The following TMEM154 variants were observed in gnomAD, a reference collection of about 807,000 sequenced individuals.
The protein encoded by TMEM154 is transmembrane protein 154.
A neutral mutation model predicts 24.5 loss-of-function variants in TMEM154; 27 were observed. The ratio of observed to expected loss-of-function variants is 1.10; its 90% CI spans 0.81 to 1.52. The LOEUF is 1.52. TMEM154 is among the 40% of genes most tolerant of loss of function. TMEM154 has a pLI of 0.00. For synonymous variants in TMEM154, 67 were observed against 76.8 expected, an observed-to-expected ratio of 0.87 and a Z score of 0.67; for missense variants, 228 against 213.4, an observed-to-expected ratio of 1.07 and a Z score of -0.43.
chr4:152,656,647 C>T (rs971863191), intron 1 of TMEM154, among the ~76,000 whole-genome samples: 1 of 152,104 alleles, frequency 6.6e-6, no homozygotes, highest in South Asian at 2.1e-4. Flanking sequence ...AGAGGCCGGG[C>T]GCAGTGGCTC....
rs1751801293 is a variant in TMEM154, at chr4:152,618,705, G to C, written c.*9841C>G. The C allele has an allele frequency of 6.6e-6, 1 of 152,110 alleles. No homozygotes were observed. Among genetic ancestry groups the C allele is most frequent in the South Asian group, 2.1e-4 (1 of 4,832 alleles). The allele number at this position is 152,110 out of a possible 1,614,324, so 9.4% of individuals were successfully genotyped here. On this transcript the variant is annotated 3_prime_UTR_variant, in exon 7 of 7. Coordinates refer to ENST00000304385, the MANE Select transcript of TMEM154 (RefSeq NM_152680.3). Reference sequence around the variant, plus strand: ...CCAGTTTTCCTTCACCTTCCAAATTGGGGCCACTTTCTCTCCACCTCCACT... The same window carrying C: ...CCAGTTTTCCTTCACCTTCCAAATTCGGGCCACTTTCTCTCCACCTCCACT...
intron 1 of TMEM154, among the ~76,000 whole-genome samples, chr4:152,659,357 G>A (rs893008502): frequency 6.6e-6 from 1 of 152,154 alleles, no homozygotes; most frequent in Non-Finnish European, 1.5e-5. Context: ...ATCAGAGGCT[G>A]GGAAGGGTGT....
rs112467059 is a variant in TMEM154, at chr4:152,623,172, C to T, written c.*5374G>A. ...AGGCTTACAAGGTAGAATTTATATG[C>T]TGCTGGGACAAAAGCTAAGTGGCAA... On this transcript the variant is annotated 3_prime_UTR_variant, in exon 7 of 7. Coordinates refer to ENST00000304385, the MANE Select transcript of TMEM154 (RefSeq NM_152680.3). 26 of 152,264 alleles carry T rather than the reference C, an allele frequency of 1.7e-4. 1 individual carries two copies. Among genetic ancestry groups the T allele is most frequent in the African/African-American group, 5.5e-4 (23 of 41,548 alleles). 9.4% of individuals were successfully genotyped at this position (152,264 alleles called of 1,614,324 possible). A position where few individuals can be genotyped will look rare whatever the true frequency, so the allele number is the denominator to read the frequency against.
intron 1 of TMEM154, among the ~76,000 whole-genome samples, chr4:152,653,605 G>A (rs938081938): frequency 6.6e-6 from 1 of 151,422 alleles, no homozygotes; most frequent in African/African-American, 2.4e-5. Flanking sequence ...GGCCAGGCTG[G>A]TCTCGAACTC....
At chr4:152,666,337 CTAGTAAG>C (rs533101686) in intron 1 of TMEM154, 2 of 152,182 alleles carry the variant, frequency 1.3e-5, no homozygotes, top group Non-Finnish European at 2.9e-5. Context: ...CCAAATAACT[CTAGTAAG>C]TATGTATGTT....
chr4:152,652,680 T>G lies in TMEM154; in HGVS notation c.312A>C (p.Lys104Asn), dbSNP rs1209954519. 1.7e-5 allele frequency: 27 copies of G among 1,613,296 alleles called. No individual in the cohort carries two copies. The highest frequency in any genetic ancestry group is 2.1e-5 in the Non-Finnish European group (25 of 1,179,794). Residue 104 changes from lysine to asparagine, a missense_variant, in exon 2 of 7, where the codon AAA becomes AAC. Coordinates refer to ENST00000304385, the MANE Select transcript of TMEM154 (RefSeq NM_152680.3). ...CCAAATATTTACCTTGTTTAGTTCT[T>G]TTTCTTTTATAGTATGTTGCAAGGA... Reference protein sequence around the residue: ...VVFLATYYKRKRTKQEPSSQG... With the variant: ...VVFLATYYKRNRTKQEPSSQG...
At chr4:152,658,930 C>A (rs536257284) in intron 1 of TMEM154, among the ~76,000 whole-genome samples, 1 of 152,204 alleles carries the variant, frequency 6.6e-6, no homozygotes, top group East Asian at 1.9e-4. Flanking sequence ...TAAATTAGTA[C>A]AGCCACTATG....
intron 3 of TMEM154, among the ~76,000 whole-genome samples, chr4:152,649,564 T>C (rs1728333406): frequency 6.6e-6 from 1 of 152,168 alleles, no homozygotes; most frequent in Non-Finnish European, 1.5e-5. Flanking sequence ...AAGATCAAAT[T>C]GGGATGTGGG....
chr4:152,654,345 C>T (rs1341287933), intron 1 of TMEM154, among the ~76,000 whole-genome samples: 3 of 152,250 alleles, frequency 2.0e-5, no homozygotes, highest in Admixed American at 1.3e-4. Flanking sequence ...TTAAACCACA[C>T]TCTGCGGTAT....
chr4:152,661,278 TTCTCTTTCTCTC>T (rs1412119656), intron 1 of TMEM154, among the ~76,000 whole-genome samples: 11 of 65,740 alleles, frequency 1.7e-4, no homozygotes, highest in African/African-American at 6.7e-4. Context: ...CAAGGGATTG[TTCTCTTTCTCTC>T]TCTCTCTCTC....
At chr4:152,643,391 G>A (rs561112717) in intron 4 of TMEM154, among the ~76,000 whole-genome samples, 1 of 152,344 alleles carries the variant, frequency 6.6e-6, no homozygotes, top group South Asian at 2.1e-4. Context: ...AGGTCCAAAA[G>A]TGGGGTGCCC....
chr4:152,679,163 G>A (rs1280215097), intron 1 of TMEM154, among the ~76,000 whole-genome samples: 3 of 152,004 alleles, frequency 2.0e-5, no homozygotes, highest in Non-Finnish European at 4.4e-5. Flanking sequence ...CCATAATAAT[G>A]AGATTCAATA....
intron 1 of TMEM154, among the ~76,000 whole-genome samples, chr4:152,663,606 G>A (rs1292109991): frequency 6.6e-6 from 1 of 152,212 alleles, no homozygotes. Context: ...CCAAGTCACA[G>A]TCATCTCAAG....
At chr4:152,666,405 T>G (rs1455035395) in intron 1 of TMEM154, 1 of 152,212 alleles carries the variant, frequency 6.6e-6, no homozygotes, top group Non-Finnish European at 1.5e-5. Context: ...TTATTTTAAT[T>G]TGCCATTGTT....
chr4:152,629,645 G>A (rs754059605), intron 6 of TMEM154, among the ~76,000 whole-genome samples: 3 of 152,146 alleles, frequency 2.0e-5, no homozygotes, highest in Non-Finnish European at 4.4e-5. Context: ...CTGCTTCCAA[G>A]GGAGCTTGAA....
Position 152,643,124 on chromosome 4 carries a change from C to T in TMEM154, c.442G>A (p.Glu148Lys), listed in dbSNP as rs1440328033. Residue 148 changes from glutamate to lysine, a missense_variant, in exon 5 of 7, where the codon GAG becomes AAG. Coordinates refer to ENST00000304385, the MANE Select transcript of TMEM154 (RefSeq NM_152680.3). ...ATGCTGTTCATCCATTTATCAAGCT[C>T]TTCCATTTCAATTTCCATAACAGAG... Reference protein sequence around the residue: ...TPSVMEIEMEELDKWMNSMNR... With the variant: ...TPSVMEIEMEKLDKWMNSMNR... 1.2e-6 allele frequency: 2 copies of T among 1,613,470 alleles called. No homozygotes were observed. The highest frequency in any genetic ancestry group is 1.1e-5 in the South Asian group (1 of 90,906).
chr4:152,673,189 A>T (rs1362873869), intron 1 of TMEM154, among the ~76,000 whole-genome samples: 1 of 152,124 alleles, frequency 6.6e-6, no homozygotes, highest in Non-Finnish European at 1.5e-5. Context: ...TAAGCAATAT[A>T]TAGCGTAATT....
intron 6 of TMEM154, among the ~76,000 whole-genome samples, chr4:152,637,145 T>C (rs1245814645): frequency 1.3e-5 from 2 of 152,224 alleles, no homozygotes; most frequent in African/African-American, 4.8e-5. Context: ...AATTTTGCTG[T>C]AAACCTAAAA....
chr4:152,642,980 T>A, intron 5 of TMEM154, 108 bp downstream of exon 5: 1 of 800,376 alleles, frequency 1.2e-6, no homozygotes, highest in South Asian at 1.5e-5. Context: ...TAATGTGGGA[T>A]TGGGTTCTTC....
Sources: allele counts gnomAD v4.1 joint callset (sites outside exome capture counted in the v4.1 genomes callset), GRCh38; gene constraint gnomAD v4.1.1; transcripts MANE v1.5; gene names NCBI Gene and HGNC (gene_info 2026-07-23, HGNC 2026-07-21).